The following AFG2A variants were observed in gnomAD, a reference collection of about 807,000 sequenced individuals.
AFG2A encodes the protein ATPase family gene 2 protein homolog A.
At chr4:123,101,509 G>T in the AFG2A span, among the ~76,000 whole-genome samples, 1 of 151,958 alleles carries the variant, frequency 6.6e-6, no homozygotes, top group East Asian at 1.9e-4. Context: ...TTTAAAACCA[G>T]CTATTTTAAT....
the AFG2A span, among the ~76,000 whole-genome samples, chr4:123,249,968 T>A: frequency 1.3e-5 from 2 of 152,156 alleles, no homozygotes; most frequent in Admixed American, 1.3e-4. Context: ...TCTCCATGAA[T>A]CATGATTCAT....
chr4:123,004,017 C>A, the AFG2A span, among the ~76,000 whole-genome samples: 1 of 152,170 alleles, frequency 6.6e-6, no homozygotes, highest in Admixed American at 6.5e-5. Context: ...CAATGGCAGG[C>A]GCCCCTTCCC....
chr4:123,036,354 C>T, the AFG2A span, among the ~76,000 whole-genome samples: 2 of 152,094 alleles, frequency 1.3e-5, no homozygotes, highest in Non-Finnish European at 2.9e-5. Context: ...ATCCTAACTC[C>T]AGGGAGAAAA....
the AFG2A span, among the ~76,000 whole-genome samples, chr4:123,251,054 G>A: frequency 6.6e-6 from 1 of 152,102 alleles, no homozygotes; most frequent in African/African-American, 2.4e-5. Context: ...AATCATTGAA[G>A]TATACTCAAC....
At chr4:123,044,461 C>G in the AFG2A span, among the ~76,000 whole-genome samples, 5 of 152,062 alleles carry the variant, frequency 3.3e-5, no homozygotes, top group African/African-American at 1.2e-4. Flanking sequence ...CATAAAGCAT[C>G]AATAGTTTTA....
chr4:122,945,673 C>T, the AFG2A span, among the ~76,000 whole-genome samples: 1 of 152,224 alleles, frequency 6.6e-6, no homozygotes, highest in Non-Finnish European at 1.5e-5. Flanking sequence ...CACTTTCTGG[C>T]ACTCCCTAGT....
the AFG2A span, among the ~76,000 whole-genome samples, chr4:123,001,793 G>C: frequency 6.6e-6 from 1 of 152,054 alleles, no homozygotes; most frequent in Non-Finnish European, 1.5e-5. Context: ...GATTTGGGGT[G>C]GAGAGTTCTG....
At chr4:122,983,661 G>A in the AFG2A span, among the ~76,000 whole-genome samples, 3 of 152,088 alleles carry the variant, frequency 2.0e-5, no homozygotes, top group Non-Finnish European at 4.4e-5. Flanking sequence ...ATTATGGACA[G>A]AAAAGATACG....
chr4:122,951,709 T>C, the AFG2A span, among the ~76,000 whole-genome samples: 1 of 152,200 alleles, frequency 6.6e-6, no homozygotes, highest in African/African-American at 2.4e-5. Context: ...GCTATGTCCT[T>C]GGCCTGTATC....
the AFG2A span, among the ~76,000 whole-genome samples, chr4:123,077,983 G>T: frequency 6.6e-6 from 1 of 152,206 alleles, no homozygotes; most frequent in Non-Finnish European, 1.5e-5. Flanking sequence ...TTATTTGTAA[G>T]AGAAAATCAT....
the AFG2A span, among the ~76,000 whole-genome samples, chr4:123,015,186 C>CTTTTTTTTTTTT: frequency 7.5e-6 from 1 of 132,782 alleles, no homozygotes; most frequent in Non-Finnish European, 1.6e-5. Context: ...ATTTTTCTTT[C>CTTTTTTTTTTTT]TTTTTTTTTT....
the AFG2A span, among the ~76,000 whole-genome samples, chr4:123,199,837 A>T: frequency 2.0e-5 from 3 of 152,218 alleles, no homozygotes; most frequent in East Asian, 5.8e-4. Context: ...TATACAGATT[A>T]GTTAATCCCA....
the AFG2A span, among the ~76,000 whole-genome samples, chr4:123,311,528 T>G: frequency 2.0e-5 from 3 of 148,010 alleles, no homozygotes; most frequent in East Asian, 2.0e-4. Context: ...TCAGGAGGCT[T>G]AGGCAGAAGA....
the AFG2A span, among the ~76,000 whole-genome samples, chr4:123,255,847 T>G: frequency 6.6e-6 from 1 of 152,018 alleles, no homozygotes; most frequent in Non-Finnish European, 1.5e-5. Flanking sequence ...CTCTTGACAT[T>G]GTTTGTATCG....
At chr4:123,288,745 A>T in the AFG2A span, among the ~76,000 whole-genome samples, 1 of 152,128 alleles carries the variant, frequency 6.6e-6, no homozygotes, top group Non-Finnish European at 1.5e-5. Context: ...CCTTTGAAGG[A>T]CTGGAGGACT....
chr4:123,304,377 C>G, the AFG2A span, among the ~76,000 whole-genome samples: 2 of 152,114 alleles, frequency 1.3e-5, no homozygotes, highest in African/African-American at 4.8e-5. Flanking sequence ...TGCATGTGTT[C>G]GCAAACAGCA....
At chr4:122,957,463 C>T in the AFG2A span, among the ~76,000 whole-genome samples, 3 of 152,174 alleles carry the variant, frequency 2.0e-5, no homozygotes, top group Non-Finnish European at 2.9e-5. Context: ...GGACTATGTT[C>T]CAAGTGCTAT....
At chr4:123,195,570 CTG>C in the AFG2A span, among the ~76,000 whole-genome samples, 1 of 152,040 alleles carries the variant, frequency 6.6e-6, no homozygotes, top group Non-Finnish European at 1.5e-5. Context: ...GATTATAAAA[CTG>C]ATATAAAATT....
the AFG2A span, among the ~76,000 whole-genome samples, chr4:122,955,787 C>T: frequency 1.3e-5 from 2 of 152,180 alleles, no homozygotes; most frequent in African/African-American, 4.8e-5. Flanking sequence ...GTTATGTAGA[C>T]TATCAAGGCA....
Sources: allele counts gnomAD v4.1 joint callset (sites outside exome capture counted in the v4.1 genomes callset), GRCh38; gene constraint gnomAD v4.1.1; transcripts MANE v1.5; gene names NCBI Gene and HGNC (gene_info 2026-07-23, HGNC 2026-07-21).